The following KLHL1 variants were observed in gnomAD, a reference collection of about 807,000 sequenced individuals.
The protein encoded by KLHL1 is kelch like family member 1.
Under a neutral mutation model 77.7 loss-of-function variants are expected in KLHL1, and 47 were observed. That is an observed-to-expected ratio of 0.60 (90% CI 0.48 to 0.77). KLHL1 has a LOEUF of 0.77. Among genes scored for constraint, KLHL1 ranks in the 30% least tolerant of loss-of-function variants. The probability of loss-of-function intolerance (pLI) is 0.00; values close to 1 mark genes in which losing one functional copy is unlikely to be tolerated. For synonymous variants in KLHL1, 360 were observed against 325.2 expected, an observed-to-expected ratio of 1.11 and a Z score of -1.15; for missense variants, 925 against 910.8, an observed-to-expected ratio of 1.02 and a Z score of -0.20.
At chr13:69,862,060 C>A (rs989975975) in intron 5 of KLHL1, among the ~76,000 whole-genome samples, 2 of 151,360 alleles carry the variant, frequency 1.3e-5, no homozygotes, top group African/African-American at 4.8e-5. Context: ...TGAATATTAT[C>A]GTTGTTTAGT....
chr13:69,912,947 G>T (rs1162067464), intron 4 of KLHL1, among the ~76,000 whole-genome samples: 2 of 152,036 alleles, frequency 1.3e-5, no homozygotes, highest in Non-Finnish European at 2.9e-5. Context: ...GGGCAGCATT[G>T]TGAGCAACAT....
chr13:70,020,687 G>A (rs987497108), intron 1 of KLHL1, among the ~76,000 whole-genome samples: 1 of 151,958 alleles, frequency 6.6e-6, no homozygotes, highest in Non-Finnish European at 1.5e-5. Flanking sequence ...TCACAAGTCG[G>A]CTGAATGCAT....
At chr13:69,944,195 T>A (rs1036798250) in intron 3 of KLHL1, among the ~76,000 whole-genome samples, 1 of 152,050 alleles carries the variant, frequency 6.6e-6, no homozygotes, top group African/African-American at 2.4e-5. Context: ...CTTCTGGGAG[T>A]CTGAAATTTT....
chr13:70,090,600 C>T lies in KLHL1; in HGVS notation c.497+16603G>A, dbSNP rs531656076. On this transcript the variant is annotated intron_variant, in intron 1 of 10. Coordinates refer to ENST00000377844, the MANE Select transcript of KLHL1 (RefSeq NM_020866.3). Reference sequence around the variant, plus strand: ...AAAGCTGGCTATAATCCTTTTCTCACGATGATATAGGGAGAAGAAGTCAGA... The same window carrying T: ...AAAGCTGGCTATAATCCTTTTCTCATGATGATATAGGGAGAAGAAGTCAGA... 7.9e-5 allele frequency among the ~76,000 whole-genome samples: 12 copies of T among 152,054 alleles called. No individual in the cohort carries two copies. The East Asian group carries it at 1.9e-3, about 25-fold the overall frequency.
At chr13:69,763,596 C>A (rs1024373318) in intron 7 of KLHL1, among the ~76,000 whole-genome samples, 1 of 152,164 alleles carries the variant, frequency 6.6e-6, no homozygotes, top group African/African-American at 2.4e-5. Flanking sequence ...TGTGCTGAGA[C>A]CTGAAACCAT....
chr13:69,714,813 T>C (rs55815844), intron 9 of KLHL1, among the ~76,000 whole-genome samples: 13,030 of 151,938 alleles, frequency 0.086, 744 homozygotes, highest in African/African-American at 0.16. Flanking sequence ...AGGATGGTCT[T>C]AAACCCCTGA....
chr13:70,107,343 G>A lies in KLHL1; in HGVS notation c.357C>T (p.Leu119=). 6.2e-7 allele frequency: 1 copy of A among 1,614,032 alleles called. No homozygotes were observed. Among genetic ancestry groups the A allele is most frequent in the Admixed American group, 1.7e-5 (1 of 60,024 alleles). Residue 119 remains leucine, a synonymous_variant, in exon 1 of 11, where the codon CTC becomes CTT. Transcript: ENST00000377844. The part of the protein sequence containing the change: ...GQGTQQPART[L]FYVESLEEEV... ...CCTCCTCTAGTGACTCCACGTAGAA[G>A]AGAGTCCTGGCTGGCTGCTGAGTGC...
intron 7 of KLHL1, among the ~76,000 whole-genome samples, chr13:69,778,014 T>A (rs918693821): frequency 2.0e-5 from 3 of 151,860 alleles, no homozygotes. Flanking sequence ...TTATAATTCA[T>A]ATTATTAAAA....
chr13:70,030,705 C>T (rs1197804242), intron 1 of KLHL1, among the ~76,000 whole-genome samples: 1 of 151,994 alleles, frequency 6.6e-6, no homozygotes, highest in Non-Finnish European at 1.5e-5. Context: ...AGAGCAAACA[C>T]ATTCAAAAGC....
At chr13:69,984,062 A>T (rs182220448) in intron 1 of KLHL1, among the ~76,000 whole-genome samples, 1 of 152,284 alleles carries the variant, frequency 6.6e-6, no homozygotes, top group East Asian at 1.9e-4. Flanking sequence ...TTAGAGGTAA[A>T]CATAGGGAAA....
chr13:69,999,984 A>T (rs1485166959), intron 1 of KLHL1, among the ~76,000 whole-genome samples: 1 of 152,014 alleles, frequency 6.6e-6, no homozygotes, highest in Non-Finnish European at 1.5e-5. Flanking sequence ...TATTTGGGTC[A>T]TGGGGACACA....
At chr13:69,867,105 G>A (rs994103523) in intron 5 of KLHL1, among the ~76,000 whole-genome samples, 2 of 152,016 alleles carry the variant, frequency 1.3e-5, no homozygotes, top group Non-Finnish European at 2.9e-5. Flanking sequence ...GGAATGGATA[G>A]CCTCAGAAGC....
rs55988841 is a variant in KLHL1 at position 69,805,691 on chromosome 13, CA to C, written c.1415-8730del. On this transcript the variant is annotated intron_variant, in intron 6 of 10. Transcript: ENST00000377844. ...AGTACCAGCTCTAGATGAAAAAAAA[CA>C]AAAAAAAAAACAAAACAACACTACA... Among the ~76,000 whole-genome samples, 156 of 133,954 alleles carry C rather than the reference CA, an allele frequency of 1.2e-3. 1 individual carries two copies. The highest frequency in any genetic ancestry group is 3.2e-3 in the African/African-American group (118 of 37,146). The allele number at this position is 133,954 out of a possible 152,430, so 87.9% of individuals were successfully genotyped here. A position where few individuals can be genotyped will look rare whatever the true frequency, so the allele number is the denominator to read the frequency against.
intron 1 of KLHL1, among the ~76,000 whole-genome samples, chr13:70,025,911 C>G (rs1380228457): frequency 6.6e-6 from 1 of 152,002 alleles, no homozygotes; most frequent in Non-Finnish European, 1.5e-5. Context: ...AGCGCTAGAG[C>G]TAATAAAGCA....
rs773600359 is a variant in KLHL1 at position 70,039,637 on chromosome 13, C to CTTT, written c.498-63838_498-63836dup. ...ACTGCCTGCCTTTGGATTCCTTGAA[C>CTTT]TTTTTTTTTTTTTTTTTTTTGAGAC... On this transcript the variant is annotated intron_variant, in intron 1 of 10. Transcript: ENST00000377844. Among the ~76,000 whole-genome samples, 243 of 125,476 alleles carry CTTT rather than the reference C, an allele frequency of 1.9e-3. 1 individual carries two copies. The highest frequency in any genetic ancestry group is 6.8e-3 in the African/African-American group (225 of 33,134). 82.3% of individuals were successfully genotyped at this position (125,476 alleles called of 152,430 possible).
intron 5 of KLHL1, among the ~76,000 whole-genome samples, chr13:69,880,092 T>C (rs1412786159): frequency 6.6e-6 from 1 of 152,174 alleles, no homozygotes; most frequent in East Asian, 1.9e-4. Context: ...TGTAGAAATA[T>C]CTCTGTGTAT....
chr13:70,064,943 C>T (rs1009366525), intron 1 of KLHL1, among the ~76,000 whole-genome samples: 1 of 151,998 alleles, frequency 6.6e-6, no homozygotes, highest in African/African-American at 2.4e-5. Context: ...TTCCTTGAAC[C>T]CCTTTGCAGT....
intron 1 of KLHL1, among the ~76,000 whole-genome samples, chr13:69,984,364 C>T (rs564722720): frequency 6.6e-6 from 1 of 152,278 alleles, no homozygotes; most frequent in South Asian, 2.1e-4. Context: ...TAGGAAAAGA[C>T]TACCTAGAGG....
intron 3 of KLHL1, among the ~76,000 whole-genome samples, chr13:69,942,066 G>A (rs1296890959): frequency 6.6e-6 from 1 of 151,710 alleles, no homozygotes; most frequent in Non-Finnish European, 1.5e-5. Context: ...TATTCTAAAA[G>A]GAAAATCTTA....
Sources: gnomAD v4.1 joint callset for allele counts (sites outside exome capture counted in the v4.1 genomes callset) on GRCh38, gnomAD v4.1.1 for gene constraint, MANE v1.5 for transcripts, NCBI Gene and HGNC (gene_info 2026-07-23, HGNC 2026-07-21) for gene names.